The following RGS6 variants were observed in gnomAD, a reference collection of about 807,000 sequenced individuals.
The protein encoded by RGS6 is regulator of G-protein signaling 6.
Under a neutral mutation model 78.5 loss-of-function variants are expected in RGS6, and 30 were observed. The ratio of observed to expected loss-of-function variants is 0.38; its 90% CI spans 0.29 to 0.52. The LOEUF (loss-of-function observed/expected upper bound fraction) is 0.52. RGS6 is among the 20% of genes least tolerant of loss of function. The pLI is 0.85. For missense variants in RGS6, 495 were observed against 609.7 expected, an observed-to-expected ratio of 0.81 and a Z score of 1.98; for synonymous variants, 206 against 206.0, an observed-to-expected ratio of 1.00 and a Z score of 0.00.
At chr14:72,407,470 C>G (rs926047248) in intron 3 of RGS6, among the ~76,000 whole-genome samples, 1 of 152,218 alleles carries the variant, frequency 6.6e-6, no homozygotes, top group African/African-American at 2.4e-5. Context: ...AGAATTGGCT[C>G]ATGTGATTAC....
chr14:71,944,364 A>G (rs759049177), intron 1 of RGS6, among the ~76,000 whole-genome samples: 16 of 152,210 alleles, frequency 1.1e-4, no homozygotes, highest in Non-Finnish European at 2.1e-4. Flanking sequence ...CCTAAGTCAG[A>G]TAGTCATTGA....
At chr14:72,259,250 T>C (rs1310575307) in intron 2 of RGS6, among the ~76,000 whole-genome samples, 1 of 152,230 alleles carries the variant, frequency 6.6e-6, no homozygotes, top group East Asian at 1.9e-4. Flanking sequence ...TTAAGTTTTC[T>C]TTCAAAATCA....
At chr14:71,909,335 C>T in the RGS6 span, among the ~76,000 whole-genome samples, 10 of 152,118 alleles carry the variant, frequency 6.6e-5, no homozygotes, top group African/African-American at 1.9e-4. Context: ...GGGTCTGTAT[C>T]GGGACCCTCT....
chr14:72,595,105 C>T, the RGS6 span: 1 of 151,920 alleles, frequency 6.6e-6, no homozygotes, highest in Non-Finnish European at 1.5e-5. Flanking sequence ...TTTCTAATAA[C>T]CATCTCTCTC....
intron 2 of RGS6, among the ~76,000 whole-genome samples, chr14:72,166,185 G>A (rs1250008830): frequency 1.3e-5 from 2 of 150,996 alleles, no homozygotes; most frequent in African/African-American, 2.4e-5. Flanking sequence ...GGTCATAGAC[G>A]TCTTTCTTCT....
intron 2 of RGS6, among the ~76,000 whole-genome samples, chr14:72,235,581 G>A (rs542279199): frequency 1.3e-5 from 2 of 152,234 alleles, no homozygotes; most frequent in South Asian, 4.2e-4. Context: ...CTCAGCCAAA[G>A]GGAACACCAT....
At chr14:72,113,369 T>C (rs2153553992) in intron 2 of RGS6, among the ~76,000 whole-genome samples, 1 of 152,320 alleles carries the variant, frequency 6.6e-6, no homozygotes, top group Admixed American at 6.5e-5. Flanking sequence ...TGTTTCCTGA[T>C]GGAGTGCACT....
chr14:72,038,230 A>C (rs1207954296), intron 2 of RGS6, among the ~76,000 whole-genome samples: 2 of 152,176 alleles, frequency 1.3e-5, no homozygotes, highest in African/African-American at 4.8e-5. Flanking sequence ...TCAGCCTCCC[A>C]AAGTGCTGGG....
intron 12 of RGS6, among the ~76,000 whole-genome samples, chr14:72,486,333 A>C (rs1329893644): frequency 1.3e-5 from 2 of 152,208 alleles, no homozygotes; most frequent in Non-Finnish European, 2.9e-5. Flanking sequence ...AGAAGATATG[A>C]ACCTCACTTG....
At chr14:72,219,392 A>C (rs750022302) in intron 2 of RGS6, among the ~76,000 whole-genome samples, 1 of 152,176 alleles carries the variant, frequency 6.6e-6, no homozygotes, top group Non-Finnish European at 1.5e-5. Context: ...CATGTTGATT[A>C]TTCTTCGTCT....
At chr14:72,483,840 C>A (rs901324135) in intron 12 of RGS6, among the ~76,000 whole-genome samples, 1 of 152,126 alleles carries the variant, frequency 6.6e-6, no homozygotes, top group Non-Finnish European at 1.5e-5. Flanking sequence ...CTTCTTCCTG[C>A]AGGGCTGAAT....
At chr14:72,452,782 G>C (rs1467343239) in intron 3 of RGS6, among the ~76,000 whole-genome samples, 2 of 152,254 alleles carry the variant, frequency 1.3e-5, no homozygotes, top group Middle Eastern at 3.2e-3. Flanking sequence ...CTGGTTTAAA[G>C]TGAGATCTTT....
chr14:72,319,715 G>A lies in RGS6; in HGVS notation c.85-32380G>A, dbSNP rs142812247. On this transcript the variant is annotated intron_variant, in intron 2 of 17. Coordinates refer to ENST00000553525, the MANE Select transcript of RGS6 (RefSeq NM_001204424.2). The stretch of plus-strand genomic sequence containing the variant: ...AGTAAAATAGACACTAGACACTGCC[G>A]AACATAGAATAGAGGATATGATGGG... Among the ~76,000 whole-genome samples the A allele has an allele frequency of 9.9e-5, 15 of 152,214 alleles. No homozygotes were observed. In the East Asian group the frequency reaches 1.7e-3, roughly 18 times the overall value.
At chr14:72,385,535 T>A (rs2087686989) in intron 3 of RGS6, among the ~76,000 whole-genome samples, 1 of 152,218 alleles carries the variant, frequency 6.6e-6, no homozygotes, top group South Asian at 2.1e-4. Context: ...GAATCAGTTC[T>A]GAATGCCTGT....
At chr14:72,214,656 T>G (rs2045115331) in intron 2 of RGS6, among the ~76,000 whole-genome samples, 2 of 152,178 alleles carry the variant, frequency 1.3e-5, no homozygotes, top group Admixed American at 1.3e-4. Flanking sequence ...TACAGCCATT[T>G]ATCAAAAAAG....
chr14:72,606,496 C>T, the RGS6 span, among the ~76,000 whole-genome samples: 1 of 152,278 alleles, frequency 6.6e-6, no homozygotes, highest in African/African-American at 2.4e-5. Flanking sequence ...GGTGTTGAGC[C>T]ACTCATCAAC....
chr14:72,319,571 G>C (rs1364595877), intron 2 of RGS6, among the ~76,000 whole-genome samples: 1 of 151,962 alleles, frequency 6.6e-6, no homozygotes, highest in Non-Finnish European at 1.5e-5. Flanking sequence ...TCGATCTCCT[G>C]ACCTCATGAT....
chr14:72,597,193 C>T, the RGS6 span, among the ~76,000 whole-genome samples: 13 of 151,814 alleles, frequency 8.6e-5, no homozygotes, highest in African/African-American at 2.2e-4. Context: ...GAGCCAAGAT[C>T]GTGCCACTGC....
chr14:72,213,301 T>C (rs150592063), intron 2 of RGS6, among the ~76,000 whole-genome samples: 1 of 152,262 alleles, frequency 6.6e-6, no homozygotes, highest in Non-Finnish European at 1.5e-5. Context: ...AGCTTCTCAG[T>C]GGGCCAGGAA....
Sources: allele counts gnomAD v4.1 joint callset (sites outside exome capture counted in the v4.1 genomes callset), GRCh38; gene constraint gnomAD v4.1.1; transcripts MANE v1.5; gene names NCBI Gene and HGNC (gene_info 2026-07-23, HGNC 2026-07-21).